Variants in NECAB1 observed in about 807,000 individuals in gnomAD.
The protein encoded by NECAB1 is N-terminal EF-hand calcium-binding protein 1.
In NECAB1, 29 loss-of-function variants were observed where a neutral mutation model predicts 57.5. That is an observed-to-expected ratio of 0.50 (90% CI 0.38 to 0.69). The LOEUF (loss-of-function observed/expected upper bound fraction) is 0.69. NECAB1 is among the 30% of genes least tolerant of loss of function. NECAB1 has a pLI of 0.00. For synonymous variants in NECAB1, 142 were observed against 147.7 expected, an observed-to-expected ratio of 0.96 and a Z score of 0.28; for missense variants, 372 against 413.8, an observed-to-expected ratio of 0.90 and a Z score of 0.88.
At chr8:90,889,184 C>T (rs1809088656) in intron 5 of NECAB1, among the ~76,000 whole-genome samples, 1 of 152,052 alleles carries the variant, frequency 6.6e-6, no homozygotes, top group South Asian at 2.1e-4. Context: ...ATCTATGGAG[C>T]CATTACCAGT....
At chr8:90,856,203 A>G (rs1321469658) in intron 3 of NECAB1, among the ~76,000 whole-genome samples, 1 of 152,154 alleles carries the variant, frequency 6.6e-6, no homozygotes, top group African/African-American at 2.4e-5. Context: ...TTGTTAACAC[A>G]TTTTCAAATT....
intron 3 of NECAB1, among the ~76,000 whole-genome samples, chr8:90,869,436 T>C (rs993620516): frequency 1.3e-5 from 2 of 152,166 alleles, no homozygotes; most frequent in Non-Finnish European, 2.9e-5. Flanking sequence ...TGTCAGCCCA[T>C]GAAAGCAGCT....
intron 3 of NECAB1, among the ~76,000 whole-genome samples, chr8:90,826,972 G>A (rs919046346): frequency 2.0e-5 from 3 of 151,878 alleles, no homozygotes; most frequent in Admixed American, 2.0e-4. Flanking sequence ...TGGAGCTAAA[G>A]TGTATATTAG....
chr8:90,925,695 A>G (rs1810248936), intron 7 of NECAB1, 39 bp downstream of exon 7: 3 of 1,609,464 alleles, frequency 1.9e-6, no homozygotes, highest in South Asian at 1.1e-5. Flanking sequence ...GTCAAAGTCT[A>G]TTTATCTTGC....
chr8:90,837,051 C>T lies in NECAB1; in HGVS notation c.233+12226C>T, dbSNP rs190004861. 9.8e-5 allele frequency among the ~76,000 whole-genome samples: 15 copies of T among 152,334 alleles called. No individual in the cohort carries two copies. In the East Asian group the frequency reaches 2.9e-3, roughly 29 times the overall value. On this transcript the variant is annotated intron_variant, in intron 3 of 12. Transcript: ENST00000417640. ...ATTGTTGATAAAATGCACTTTAACA[C>T]ATTTAAGTCATCATTTTTTACAAAA...
At chr8:90,875,487 CAAAAAAAA>C (rs35777818) in intron 4 of NECAB1, among the ~76,000 whole-genome samples, 6 of 41,490 alleles carry the variant, frequency 1.4e-4, no homozygotes, top group East Asian at 2.5e-3. Flanking sequence ...GACTCCGTCT[CAAAAAAAA>C]AAAAAAAAAA....
At chr8:90,941,418 C>A (rs942750622) in intron 10 of NECAB1, among the ~76,000 whole-genome samples, 1 of 152,184 alleles carries the variant, frequency 6.6e-6, no homozygotes, top group Non-Finnish European at 1.5e-5. Flanking sequence ...CTTTTCTTTC[C>A]TCTTTCCATG....
intron 11 of NECAB1, 121 bp from the exon 12 acceptor site, chr8:90,950,992 C>T (rs1024888618): frequency 2.9e-5 from 13 of 455,188 alleles, no homozygotes; most frequent in African/African-American, 1.6e-4. Flanking sequence ...AGCTTGTATC[C>T]AGGAGCTTAT....
At chr8:90,955,114 A>T (rs1245225656) in intron 12 of NECAB1, among the ~76,000 whole-genome samples, 20 of 68,082 alleles carry the variant, frequency 2.9e-4, no homozygotes, top group African/African-American at 8.0e-4. Flanking sequence ...TATATAAATT[A>T]TATATATATA....
At chr8:90,845,000 C>T (rs758201274) in intron 3 of NECAB1, among the ~76,000 whole-genome samples, 17 of 152,088 alleles carry the variant, frequency 1.1e-4, no homozygotes, top group Non-Finnish European at 1.5e-4. Flanking sequence ...AGGGTGAAGA[C>T]CAAGGAAGAA....
chr8:90,911,770 C>G (rs925889407), intron 5 of NECAB1, among the ~76,000 whole-genome samples: 1 of 152,022 alleles, frequency 6.6e-6, no homozygotes, highest in African/African-American at 2.4e-5. Context: ...GCAAACAAAC[C>G]CAGGTCTTGT....
intron 3 of NECAB1, among the ~76,000 whole-genome samples, chr8:90,831,042 G>A (rs889235638): frequency 2.0e-5 from 3 of 152,102 alleles, no homozygotes; most frequent in Non-Finnish European, 2.9e-5. Context: ...CTCAAATGGT[G>A]TTGCTGAAAA....
chr8:90,875,146 T>C (rs145700896), intron 4 of NECAB1, among the ~76,000 whole-genome samples: 116 of 152,326 alleles, frequency 7.6e-4, no homozygotes, highest in African/African-American at 2.7e-3. Context: ...CTTACTCATT[T>C]TTACTGAACC....
intron 3 of NECAB1, among the ~76,000 whole-genome samples, chr8:90,855,594 C>A (rs1489362020): frequency 6.6e-6 from 1 of 152,172 alleles, no homozygotes; most frequent in Non-Finnish European, 1.5e-5. Context: ...CAGGAAGGAT[C>A]TAGAGAACAA....
intron 5 of NECAB1, among the ~76,000 whole-genome samples, chr8:90,893,481 G>C (rs1809240143): frequency 6.6e-6 from 1 of 152,168 alleles, no homozygotes; most frequent in African/African-American, 2.4e-5. Context: ...ACCCGGAAGG[G>C]AAGAGCGACT....
In NECAB1 at chr8:90,791,789, G is replaced by T; in HGVS notation, c.-98G>T. 2 of 938,558 alleles carry T rather than the reference G, an allele frequency of 2.1e-6. No homozygotes were observed. The highest frequency in any genetic ancestry group is 2.2e-5 in the Admixed American group (1 of 45,932). The allele number at this position is 938,558 out of a possible 1,614,324, so 58.1% of individuals were successfully genotyped here. A position where few individuals can be genotyped will look rare whatever the true frequency, so the allele number is the denominator to read the frequency against. ...GAGCGAACACCCTCCCGGATCCAGA[G>T]CCCGGCGGCGGCGAAGCAGCAGCTG... On this transcript the variant is annotated 5_prime_UTR_variant, in exon 1 of 13. Transcript: ENST00000417640.
At chr8:90,812,321 C>T (rs1442398116) in intron 2 of NECAB1, among the ~76,000 whole-genome samples, 1 of 152,182 alleles carries the variant, frequency 6.6e-6, no homozygotes, top group African/African-American at 2.4e-5. Flanking sequence ...TCCTCCGACA[C>T]GTTTCATCTG....
At chr8:90,943,681 T>C (rs1381319079) in intron 10 of NECAB1, among the ~76,000 whole-genome samples, 1 of 152,214 alleles carries the variant, frequency 6.6e-6, no homozygotes, top group African/African-American at 2.4e-5. Flanking sequence ...AGTCTCATCA[T>C]GATTAGGCAC....
At chr8:90,829,076 T>C (rs1212328170) in intron 3 of NECAB1, among the ~76,000 whole-genome samples, 1 of 152,082 alleles carries the variant, frequency 6.6e-6, no homozygotes, top group African/African-American at 2.4e-5. Context: ...GTAGTGAGCC[T>C]TATTGCACCC....
Sources: gnomAD v4.1 joint callset for allele counts (sites outside exome capture counted in the v4.1 genomes callset) on GRCh38, gnomAD v4.1.1 for gene constraint, MANE v1.5 for transcripts, NCBI Gene and HGNC (gene_info 2026-07-23, HGNC 2026-07-21) for gene names.